Variants in LINGO2 observed in about 807,000 individuals in gnomAD.
LINGO2 encodes leucine rich repeat and Ig domain containing 2, also known as leucine-rich repeat and immunoglobulin-like domain-containing nogo receptor-interacting protein 2.
Under a neutral mutation model 30.6 loss-of-function variants are expected in LINGO2, and 14 were observed. The observed-to-expected ratio is 0.46, with a 90% CI of 0.30 to 0.72. The LOEUF (loss-of-function observed/expected upper bound fraction) is 0.72. Among genes scored for constraint, LINGO2 ranks in the 30% least tolerant of loss-of-function variants. The probability of loss-of-function intolerance (pLI) is 0.07; values close to 1 mark genes in which losing one functional copy is unlikely to be tolerated. For missense variants in LINGO2, 729 were observed against 751.7 expected (o/e 0.97, Z 0.35); for synonymous variants, 317 against 288.5 (o/e 1.10, Z -1.00).
intron 4 of LINGO2, among the ~76,000 whole-genome samples, chr9:28,179,822 C>T (rs926819923): frequency 6.6e-6 from 1 of 150,768 alleles, no homozygotes; most frequent in Non-Finnish European, 1.5e-5. Context: ...CACTTTTTTC[C>T]TCATGAAAAG....
rs1564001999 is a variant in LINGO2, at chr9:28,147,866, C to T, written c.-86-135461G>A. Among the ~76,000 whole-genome samples the T allele has an allele frequency of 3.3e-5, 5 of 152,122 alleles. No individual in the cohort carries two copies. The South Asian group carries it at 1.0e-3, about 32-fold the overall frequency. ...CACACCCTGGCTCTGTCACCAGCCC[C>T]ATAGTGATGTCATAAACTCCCAGAT... On this transcript the variant is annotated intron_variant, in intron 4 of 5. Coordinates refer to ENST00000379992, the Ensembl canonical transcript of LINGO2. This position sits in a 1 kb window ranked among gnomAD's most constrained non-coding sequence, Gnocchi z 4.7.
chr9:28,616,901 C>A (rs1826153580), intron 1 of LINGO2, among the ~76,000 whole-genome samples: 1 of 152,194 alleles, frequency 6.6e-6, no homozygotes, highest in Non-Finnish European at 1.5e-5. Flanking sequence ...AAGACTCTTT[C>A]ATCACAACTA....
intron 1 of LINGO2, among the ~76,000 whole-genome samples, chr9:28,581,526 G>C (rs928183454): frequency 2.7e-5 from 4 of 149,438 alleles, no homozygotes; most frequent in South Asian, 2.1e-4. Flanking sequence ...TATATATATA[G>C]AATATATATA....
At chr9:28,295,662 G>T (rs959806001) in intron 3 of LINGO2, among the ~76,000 whole-genome samples, 1 of 152,028 alleles carries the variant, frequency 6.6e-6, no homozygotes, top group East Asian at 1.9e-4. Flanking sequence ...AGTATGTACC[G>T]CCTCTTCTTC....
At chr9:28,386,103 C>A (rs998122665) in intron 2 of LINGO2, among the ~76,000 whole-genome samples, 48 of 152,096 alleles carry the variant, frequency 3.2e-4, no homozygotes, top group Non-Finnish European at 6.6e-4. Flanking sequence ...GACTTATATC[C>A]CTCTGCCTGC....
At chr9:28,323,471 G>A (rs188213731) in intron 3 of LINGO2, among the ~76,000 whole-genome samples, 6 of 152,106 alleles carry the variant, frequency 3.9e-5, no homozygotes, top group South Asian at 2.1e-4. Context: ...GTGGTGGTGC[G>A]CACCTGTAAT....
At chr9:28,357,674 T>G (rs978763676) in intron 3 of LINGO2, among the ~76,000 whole-genome samples, 2 of 152,118 alleles carry the variant, frequency 1.3e-5, no homozygotes, top group African/African-American at 4.8e-5. Flanking sequence ...GTAAATGATA[T>G]TTCAACTAAT....
At chr9:28,843,425 T>C in the LINGO2 span, among the ~76,000 whole-genome samples, 14 of 151,774 alleles carry the variant, frequency 9.2e-5, no homozygotes, top group Admixed American at 9.2e-4. Context: ...TAATAATCAC[T>C]TAATCCTAAG....
intron 4 of LINGO2, among the ~76,000 whole-genome samples, chr9:28,139,968 A>T (rs1417483928): frequency 1.3e-5 from 2 of 152,096 alleles, no homozygotes; most frequent in African/African-American, 2.4e-5. Flanking sequence ...CCTTTTAATT[A>T]AAAAAAGTGC....
chr9:28,086,464 T>G (rs1825918495), intron 4 of LINGO2, among the ~76,000 whole-genome samples: 1 of 152,082 alleles, frequency 6.6e-6, no homozygotes, highest in Non-Finnish European at 1.5e-5. Context: ...GCAATAAGCT[T>G]TCCTCATTTG....
the LINGO2 span, among the ~76,000 whole-genome samples, chr9:28,837,479 C>G: frequency 6.6e-6 from 1 of 150,858 alleles, no homozygotes; most frequent in African/African-American, 2.4e-5. Context: ...AACCCCATCT[C>G]TCCTAAAAAT....
chr9:28,473,870 C>T (rs1207123146), intron 2 of LINGO2, among the ~76,000 whole-genome samples: 1 of 151,932 alleles, frequency 6.6e-6, no homozygotes, highest in Non-Finnish European at 1.5e-5. Context: ...CCCTTACAGC[C>T]ATTTTAAGCT....
chr9:28,184,064 C>T (rs1819454061), intron 4 of LINGO2, among the ~76,000 whole-genome samples: 1 of 152,078 alleles, frequency 6.6e-6, no homozygotes, highest in East Asian at 1.9e-4. Flanking sequence ...AAATTATTGA[C>T]CATCTTGTTG....
chr9:28,211,825 A>G (rs970660749), intron 4 of LINGO2, among the ~76,000 whole-genome samples: 24 of 151,270 alleles, frequency 1.6e-4, no homozygotes, highest in African/African-American at 5.8e-4. Flanking sequence ...TTGCTTGCTA[A>G]ATTTACTCTT....
the LINGO2 span, among the ~76,000 whole-genome samples, chr9:28,755,299 C>G: frequency 6.6e-6 from 1 of 152,042 alleles, no homozygotes; most frequent in Admixed American, 6.5e-5. Flanking sequence ...GACTGCAGGA[C>G]CAGAAGAAAC....
chr9:28,300,099 A>C (rs891947652), intron 3 of LINGO2, among the ~76,000 whole-genome samples: 4 of 147,528 alleles, frequency 2.7e-5, no homozygotes, highest in Non-Finnish European at 1.5e-5. Context: ...GCAACAGATG[A>C]CCTTTCTCTC....
chr9:28,183,208 A>G (rs1286251537), intron 4 of LINGO2, among the ~76,000 whole-genome samples: 1 of 152,162 alleles, frequency 6.6e-6, no homozygotes, highest in Non-Finnish European at 1.5e-5. Flanking sequence ...ACAGGAACAG[A>G]AAACCAAACA....
At chr9:28,098,026 C>T (rs1204132589) in intron 4 of LINGO2, among the ~76,000 whole-genome samples, 1 of 152,030 alleles carries the variant, frequency 6.6e-6, no homozygotes, top group African/African-American at 2.4e-5. Context: ...TACCAAAGTC[C>T]AGGTGCAGTG....
Position 28,376,291 on chromosome 9 carries a change from G to A in LINGO2, c.-278-3423C>T, listed in dbSNP as rs117892500. On this transcript the variant is annotated intron_variant, in intron 2 of 5. Transcript: ENST00000379992. ...GAAGAGAAGAGAAGAGAAGCGAAGC[G>A]AGAGATATTAAGTATCTATTGTGAG... 9.0e-3 allele frequency among the ~76,000 whole-genome samples: 1,371 copies of A among 152,194 alleles called. 11 individuals are homozygous for A. Among genetic ancestry groups the A allele is most frequent in the Non-Finnish European group, 0.011 (766 of 68,006 alleles).
Sources: gnomAD v4.1 joint callset for allele counts (sites outside exome capture counted in the v4.1 genomes callset) on GRCh38, gnomAD v4.1.1 for gene constraint, Gnocchi (gnomAD v3.1) non-coding constraint, MANE v1.5 for transcripts, NCBI Gene and HGNC (gene_info 2026-07-23, HGNC 2026-07-21) for gene names.